The following PRIM2 variants were observed in gnomAD, a reference collection of about 807,000 sequenced individuals.
The protein encoded by PRIM2 is DNA primase subunit 2.
In PRIM2, 39 loss-of-function variants were observed where a neutral mutation model predicts 67.3. The ratio of observed to expected loss-of-function variants is 0.58; its 90% CI spans 0.45 to 0.76. The LOEUF is 0.76. Ranked by LOEUF, PRIM2 falls within the 30% of genes least tolerant of loss-of-function variation. The probability of loss-of-function intolerance (pLI) is 0.00; values close to 1 mark genes in which losing one functional copy is unlikely to be tolerated. For synonymous variants in PRIM2, 143 were observed against 198.7 expected, an observed-to-expected ratio of 0.72 and a Z score of 2.36; for missense variants, 398 against 598.7, an observed-to-expected ratio of 0.66 and a Z score of 3.50.
the PRIM2 span, among the ~76,000 whole-genome samples, chr6:57,298,939 T>G: frequency 2.0e-5 from 3 of 152,056 alleles, no homozygotes; most frequent in African/African-American, 7.2e-5. Context: ...CCCTGCCAAT[T>G]ATAACTTCAC....
chr6:57,532,235 A>G (rs1774907025), intron 8 of PRIM2, among the ~76,000 whole-genome samples, 176 bp from the exon 9 acceptor site: 1 of 152,216 alleles, frequency 6.6e-6, no homozygotes, highest in Non-Finnish European at 1.5e-5. Context: ...TTTTGGGGTA[A>G]GTTACTTAAA....
chr6:57,429,036 T>A (rs1771731547), intron 7 of PRIM2, among the ~76,000 whole-genome samples: 1 of 152,222 alleles, frequency 6.6e-6, no homozygotes, highest in Admixed American at 6.5e-5. Flanking sequence ...CTCTGCAGCC[T>A]TGGCAACCAT....
chr6:57,316,249 C>T (rs1767479965), upstream of PRIM2, among the ~76,000 whole-genome samples: 4 of 152,148 alleles, frequency 2.6e-5, 1 homozygote, highest in South Asian at 8.3e-4. Context: ...CATGGTGAAA[C>T]CCCATCTTTA....
At chr6:57,269,618 G>A in the PRIM2 span, among the ~76,000 whole-genome samples, 1 of 152,054 alleles carries the variant, frequency 6.6e-6, no homozygotes, top group African/African-American at 2.4e-5. Context: ...TTGCTGTGCA[G>A]AAGCTCTTTA....
intron 10 of PRIM2, among the ~76,000 whole-genome samples, chr6:57,573,981 T>G (rs1170764153): frequency 1.3e-4 from 19 of 151,730 alleles, no homozygotes; most frequent in African/African-American, 4.4e-4. Flanking sequence ...ACTGTAGTAG[T>G]GAGGCAAAAG....
At chr6:57,242,410 G>A in the PRIM2 span, among the ~76,000 whole-genome samples, 1 of 151,788 alleles carries the variant, frequency 6.6e-6, no homozygotes, top group South Asian at 2.1e-4. Context: ...TGTTTTGTGA[G>A]GGAATTATTG....
At chr6:57,465,689 T>C (rs1345948961) in intron 7 of PRIM2, among the ~76,000 whole-genome samples, 5 of 152,152 alleles carry the variant, frequency 3.3e-5, no homozygotes, top group Non-Finnish European at 5.9e-5. Flanking sequence ...GGGGAAATAA[T>C]AGCATGTACC....
chr6:57,483,253 T>C (rs1773672373), intron 7 of PRIM2, among the ~76,000 whole-genome samples: 1 of 152,146 alleles, frequency 6.6e-6, no homozygotes, highest in African/African-American at 2.4e-5. Context: ...ATTATTTATT[T>C]CCAAAACTAT....
intron 7 of PRIM2, among the ~76,000 whole-genome samples, chr6:57,481,079 G>T (rs1258923361): frequency 6.6e-6 from 1 of 152,154 alleles, no homozygotes; most frequent in Non-Finnish European, 1.5e-5. Flanking sequence ...TGCCCGAGTG[G>T]TTACATCTTA....
chr6:57,478,614 A>G (rs1161820501), intron 7 of PRIM2, among the ~76,000 whole-genome samples: 37 of 152,172 alleles, frequency 2.4e-4, no homozygotes, highest in Non-Finnish European at 5.1e-4. Flanking sequence ...CCTTCTTCTT[A>G]GTTGGAAATT....
intron 7 of PRIM2, among the ~76,000 whole-genome samples, 182 bp from the exon 8 acceptor site, chr6:57,507,205 G>A (rs1356306295): frequency 6.6e-6 from 1 of 152,134 alleles, no homozygotes; most frequent in Non-Finnish European, 1.5e-5. Flanking sequence ...CATGTAGCCA[G>A]CTTTGATCAC....
chr6:57,250,512 G>A, the PRIM2 span, among the ~76,000 whole-genome samples: 3 of 152,130 alleles, frequency 2.0e-5, no homozygotes, highest in Admixed American at 2.0e-4. Context: ...AGAAAAATCG[G>A]GGGGTATGAA....
At chr6:57,253,990 G>A in the PRIM2 span, among the ~76,000 whole-genome samples, 1 of 152,204 alleles carries the variant, frequency 6.6e-6, no homozygotes, top group Non-Finnish European at 1.5e-5. Flanking sequence ...GTGGTGAGCT[G>A]TTGCTCAGCT....
intron 7 of PRIM2, among the ~76,000 whole-genome samples, chr6:57,426,839 A>G (rs1365725631): frequency 2.0e-5 from 3 of 152,246 alleles, no homozygotes; most frequent in African/African-American, 7.2e-5. Context: ...AGAAATGTGT[A>G]CAATTTTCCG....
chr6:57,502,776 C>A (rs1774166486), intron 7 of PRIM2, among the ~76,000 whole-genome samples: 1 of 152,146 alleles, frequency 6.6e-6, no homozygotes, highest in Admixed American at 6.6e-5. Flanking sequence ...GATTTATGAA[C>A]CTCATCCTTT....
chr6:57,469,475 C>G (rs1242867534), intron 7 of PRIM2, among the ~76,000 whole-genome samples: 1 of 152,126 alleles, frequency 6.6e-6, no homozygotes, highest in Non-Finnish European at 1.5e-5. Flanking sequence ...ATGTGGAAAA[C>G]TTGAAGAAGC....
the PRIM2 span, among the ~76,000 whole-genome samples, chr6:57,239,369 A>T: frequency 3.3e-5 from 5 of 152,144 alleles, no homozygotes; most frequent in Non-Finnish European, 7.4e-5. Flanking sequence ...TGTACCTTTG[A>T]AAATGCTGTT....
the PRIM2 span, among the ~76,000 whole-genome samples, chr6:57,286,114 G>A: frequency 2.0e-5 from 3 of 151,444 alleles, no homozygotes; most frequent in South Asian, 2.1e-4. Context: ...GACAGGACAC[G>A]AACAAAAGGA....
At chr6:57,229,981 C>A in the PRIM2 span, among the ~76,000 whole-genome samples, 1 of 152,194 alleles carries the variant, frequency 6.6e-6, no homozygotes, top group South Asian at 2.1e-4. Context: ...AGCCCCTGTA[C>A]AATGGCTTGA....
Sources: allele counts gnomAD v4.1 joint callset (sites outside exome capture counted in the v4.1 genomes callset), GRCh38; gene constraint gnomAD v4.1.1; transcripts MANE v1.5; gene names NCBI Gene and HGNC (gene_info 2026-07-23, HGNC 2026-07-21).